The following ALG5 variants were observed in gnomAD, a reference collection of about 807,000 sequenced individuals.
ALG5 encodes the protein ALG5 dolichyl-phosphate beta-glucosyltransferase, also known as dolichyl-phosphate beta-glucosyltransferase.
ALG5 carries 26 observed loss-of-function variants against 51.8 expected under a neutral mutation model. The observed-to-expected ratio is 0.50, with a 90% CI of 0.37 to 0.70. ALG5 has a LOEUF of 0.70. ALG5 is among the 30% of genes least tolerant of loss of function. The pLI, the probability that ALG5 is intolerant of heterozygous loss-of-function variation, is 0.00. For synonymous variants in ALG5, 141 were observed against 136.1 expected (o/e 1.04, Z -0.25); for missense variants, 311 against 399.3 (o/e 0.78, Z 1.88).
chr13:36,972,957 G>A (rs780343688), intron 6 of ALG5, among the ~76,000 whole-genome samples: 16 of 139,856 alleles, frequency 1.1e-4, no homozygotes, highest in East Asian at 6.3e-4. Flanking sequence ...ACACCACTGT[G>A]CTCCAGCCTG....
rs1168469223 is a variant in ALG5, at chr13:36,972,040, A to C, written c.562-4T>G. 1.3e-6 allele frequency: 2 copies of C among 1,588,946 alleles called. No individual in the cohort carries two copies. The highest frequency in any genetic ancestry group is 2.4e-5 in the South Asian group (2 of 84,702). ...CACATGCTATAGCCATTTGATTCTGAGGGAAAAAGCAGAGATAGTTTTTCA... is the reference window on the plus strand; with the variant it reads ...CACATGCTATAGCCATTTGATTCTGCGGGAAAAAGCAGAGATAGTTTTTCA... On this transcript the variant is annotated splice_region_variant and splice_polypyrimidine_tract_variant and intron_variant, in intron 6 of 9. Transcript: ENST00000239891.
At chr13:36,983,771 CA>C (rs1244418026) in intron 6 of ALG5, among the ~76,000 whole-genome samples, 1 of 151,158 alleles carries the variant, frequency 6.6e-6, no homozygotes, top group African/African-American at 2.4e-5. Flanking sequence ...CTTAAAAAAA[CA>C]AAAAACACCT....
chr13:36,986,030 C>T (rs2059000318), intron 5 of ALG5, among the ~76,000 whole-genome samples: 1 of 152,040 alleles, frequency 6.6e-6, no homozygotes, highest in African/African-American at 2.4e-5. Flanking sequence ...TTCTGCATCA[C>T]AAAGAATAAA....
chr13:36,971,934 A>AGCCAATTAATTGGCTGTCCCAT (rs772324020), intron 7 of ALG5, 43 bp downstream of exon 7: 40 of 1,494,742 alleles, frequency 2.7e-5, no homozygotes, highest in Non-Finnish European at 3.1e-5. Flanking sequence ...AAGAAATAAA[A>AGCCAATTAATTGGCTGTCCCAT]GCCAATTAAT....
At chr13:36,979,243 C>T (rs2058967962) in intron 6 of ALG5, among the ~76,000 whole-genome samples, 1 of 152,104 alleles carries the variant, frequency 6.6e-6, no homozygotes, top group East Asian at 1.9e-4. Flanking sequence ...GTCTCAAACG[C>T]CTGTCCTCAG....
chr13:36,995,781 C>T (rs755304186), intron 1 of ALG5, among the ~76,000 whole-genome samples, 185 bp from the exon 2 acceptor site: 8 of 152,134 alleles, frequency 5.3e-5, no homozygotes, highest in East Asian at 1.9e-4. Context: ...TACTTATGAA[C>T]GAATTACTGT....
chr13:36,994,378 T>C (rs985466901), intron 3 of ALG5, among the ~76,000 whole-genome samples: 1 of 152,210 alleles, frequency 6.6e-6, no homozygotes, highest in Non-Finnish European at 1.5e-5. Context: ...GGGATTCCAA[T>C]GGCAGCTAAT....
intron 7 of ALG5, among the ~76,000 whole-genome samples, chr13:36,966,740 A>C (rs1452469002): frequency 6.6e-6 from 1 of 152,244 alleles, no homozygotes; most frequent in Non-Finnish European, 1.5e-5. Flanking sequence ...ATGATGCGTT[A>C]CTTACATACA....
chr13:36,972,444 G>A (rs2058928492), intron 6 of ALG5, among the ~76,000 whole-genome samples: 1 of 152,034 alleles, frequency 6.6e-6, no homozygotes, highest in African/African-American at 2.4e-5. Flanking sequence ...TTTAAAAGAT[G>A]AGTAGTCACA....
intron 6 of ALG5, among the ~76,000 whole-genome samples, chr13:36,983,973 G>C (rs1210754963): frequency 1.3e-5 from 2 of 151,924 alleles, no homozygotes; most frequent in Non-Finnish European, 2.9e-5. Flanking sequence ...GTTTGGTTTG[G>C]TTTTTGCTAT....
intron 5 of ALG5, among the ~76,000 whole-genome samples, chr13:36,987,435 C>CT (rs2059006900): frequency 6.6e-6 from 1 of 152,186 alleles, no homozygotes; most frequent in Non-Finnish European, 1.5e-5. Context: ...CCCTCATGAA[C>CT]AGCTTGGTGC....
chr13:36,950,720 G>A (rs1190411458), intron 9 of ALG5, among the ~76,000 whole-genome samples: 1 of 152,014 alleles, frequency 6.6e-6, no homozygotes, highest in African/African-American at 2.4e-5. Context: ...CAGTAGCTGG[G>A]AGTACAGGAG....
intron 8 of ALG5, among the ~76,000 whole-genome samples, chr13:36,960,943 C>T (rs1298868548): frequency 1.3e-5 from 2 of 151,856 alleles, no homozygotes; most frequent in African/African-American, 4.8e-5. Context: ...CTACACCTGG[C>T]CCAAGTATTT....
At chr13:36,968,748 C>T (rs753447852) in intron 7 of ALG5, among the ~76,000 whole-genome samples, 1 of 152,216 alleles carries the variant, frequency 6.6e-6, no homozygotes, top group Non-Finnish European at 1.5e-5. Flanking sequence ...ACAGATTGAT[C>T]ACCATGCAGG....
chr13:36,957,253 C>CCTTCTCCTT (rs1378424802), intron 8 of ALG5, among the ~76,000 whole-genome samples: 1 of 151,306 alleles, frequency 6.6e-6, no homozygotes, highest in Non-Finnish European at 1.5e-5. Flanking sequence ...CAGGCCATTA[C>CCTTCTCCTT]CAGGAGAACA....
chr13:36,958,482 T>C (rs945377646), intron 8 of ALG5, among the ~76,000 whole-genome samples: 3 of 152,150 alleles, frequency 2.0e-5, no homozygotes, highest in South Asian at 4.1e-4. Flanking sequence ...AGATCTACCA[T>C]GGACCCCTGG....
intron 6 of ALG5, 28 bp from the exon 7 acceptor site, chr13:36,972,064 C>A: frequency 6.6e-7 from 1 of 1,524,580 alleles, no homozygotes; most frequent in Non-Finnish European, 9.0e-7. Context: ...GATAGTTTTT[C>A]AATATTTAAA....
chr13:36,991,951 T>G (rs2059027271), intron 4 of ALG5, among the ~76,000 whole-genome samples: 1 of 152,136 alleles, frequency 6.6e-6, no homozygotes, highest in Admixed American at 6.5e-5. Context: ...ATTCTTAAAG[T>G]CCTGGCTGTC....
At chr13:36,994,907 G>T (rs1048290432) in intron 3 of ALG5, 82 bp downstream of exon 3, 1 of 1,229,756 alleles carries the variant, frequency 8.1e-7, no homozygotes, top group Non-Finnish European at 1.2e-6. Flanking sequence ...GCCTCTCACA[G>T]TGCATCTGGC....
Sources: gnomAD v4.1 joint callset for allele counts (sites outside exome capture counted in the v4.1 genomes callset) on GRCh38, gnomAD v4.1.1 for gene constraint, MANE v1.5 for transcripts, NCBI Gene and HGNC (gene_info 2026-07-23, HGNC 2026-07-21) for gene names.